The following ERP44 variants were observed in gnomAD, a reference collection of about 807,000 sequenced individuals.
ERP44 encodes endoplasmic reticulum resident protein 44.
Under a neutral mutation model 53.4 loss-of-function variants are expected in ERP44, and 25 were observed. That is an observed-to-expected ratio of 0.47 (90% CI 0.34 to 0.65). The LOEUF (loss-of-function observed/expected upper bound fraction) is 0.65, where lower values mean the gene tolerates loss of function less well. Among genes scored for constraint, ERP44 ranks in the 30% least tolerant of loss-of-function variants. The probability of loss-of-function intolerance (pLI) is 0.01; values close to 1 mark genes in which losing one functional copy is unlikely to be tolerated. For synonymous variants in ERP44, 145 were observed against 161.2 expected, an observed-to-expected ratio of 0.90 and a Z score of 0.76; for missense variants, 338 against 493.2, an observed-to-expected ratio of 0.69 and a Z score of 2.98.
chr9:100,092,887 CTGTT>C (rs1826577012), intron 1 of ERP44, among the ~76,000 whole-genome samples: 1 of 152,136 alleles, frequency 6.6e-6, no homozygotes, highest in African/African-American at 2.4e-5. Flanking sequence ...TAGTCACACA[CTGTT>C]AGGAATACAC....
Position 100,043,291 on chromosome 9 carries a change from A to AAAAAAAAAAAAAAAAAAAAAAAAAG in ERP44, c.286+9125_286+9126insCTTTTTTTTTTTTTTTTTTTTTTTT, listed in dbSNP as rs1168903331. 5.1e-4 allele frequency among the ~76,000 whole-genome samples: 38 copies of AAAAAAAAAAAAAAAAAAAAAAAAAG among 74,924 alleles called. 15 individuals are homozygous for AAAAAAAAAAAAAAAAAAAAAAAAAG. Among genetic ancestry groups the AAAAAAAAAAAAAAAAAAAAAAAAAG allele is most frequent in the African/African-American group, 1.6e-3 (27 of 17,160 alleles). 49.2% of individuals were successfully genotyped at this position (74,924 alleles called of 152,430 possible). A position where few individuals can be genotyped will look rare whatever the true frequency, so the allele number is the denominator to read the frequency against. ...AAAAAAAAAAAAAAAAAAAAAAAAA[A>AAAAAAAAAAAAAAAAAAAAAAAAAG]GATAAATAAGACATAGTATTTGCTA... On this transcript the variant is annotated intron_variant, in intron 4 of 11. Transcript: ENST00000262455.
chr9:99,980,931 T>C lies in ERP44; in HGVS notation c.*1681A>G, dbSNP rs1830142780. On this transcript the variant is annotated 3_prime_UTR_variant, in exon 12 of 12. Coordinates refer to ENST00000262455, the MANE Select transcript of ERP44 (RefSeq NM_015051.3). ...CCTAACCCTTGAATTGTATCTTTTG[T>C]TGATTATTTTTTCAAACCCAGTTAC... is the stretch of plus-strand genomic sequence containing the variant. 1 of 152,222 alleles carries C rather than the reference T, an allele frequency of 6.6e-6. No homozygotes were observed. The highest frequency in any genetic ancestry group is 2.1e-4 in the South Asian group (1 of 4,830). The allele number at this position is 152,222 out of a possible 1,614,324, so 9.4% of individuals were successfully genotyped here. A position where few individuals can be genotyped will look rare whatever the true frequency, so the allele number is the denominator to read the frequency against.
chr9:100,050,723 C>T (rs528104764), intron 4 of ERP44, among the ~76,000 whole-genome samples: 3 of 152,092 alleles, frequency 2.0e-5, no homozygotes, highest in African/African-American at 7.2e-5. Context: ...AGATAACTTG[C>T]TGGTGGATTG....
chr9:100,034,620 C>T (rs186307678), intron 4 of ERP44, among the ~76,000 whole-genome samples: 5 of 152,004 alleles, frequency 3.3e-5, no homozygotes, highest in Admixed American at 1.3e-4. Flanking sequence ...ACAACCCAGC[C>T]AGTCAAAAAG....
chr9:100,040,668 G>C (rs1395823763), intron 4 of ERP44, among the ~76,000 whole-genome samples: 1 of 152,140 alleles, frequency 6.6e-6, no homozygotes, highest in Non-Finnish European at 1.5e-5. Flanking sequence ...AGAGCAGTCA[G>C]ATGAGAGAAA....
intron 5 of ERP44, among the ~76,000 whole-genome samples, chr9:100,021,597 A>T (rs10988947): frequency 0.058 from 8,854 of 152,248 alleles, 358 homozygotes; most frequent in Non-Finnish European, 0.089. Flanking sequence ...TATCTTTAAA[A>T]CACTACCTAG....
At chr9:100,094,562 G>A (rs1826601360) in intron 1 of ERP44, among the ~76,000 whole-genome samples, 1 of 152,034 alleles carries the variant, frequency 6.6e-6, no homozygotes, top group Non-Finnish European at 1.5e-5. Flanking sequence ...GGAGGCTGAG[G>A]CAGGAGAATC....
At chr9:100,062,979 C>G (rs1216265994) in intron 1 of ERP44, among the ~76,000 whole-genome samples, 1 of 149,376 alleles carries the variant, frequency 6.7e-6, no homozygotes, top group Admixed American at 6.8e-5. Flanking sequence ...GAGGCTGAGG[C>G]CACTGGATCA....
intron 1 of ERP44, among the ~76,000 whole-genome samples, chr9:100,070,831 A>G (rs1489347387): frequency 6.6e-6 from 1 of 152,204 alleles, no homozygotes; most frequent in Non-Finnish European, 1.5e-5. Flanking sequence ...AAACAATGAT[A>G]GCCTATCTTC....
chr9:100,009,833 A>G (rs776051367), intron 8 of ERP44, among the ~76,000 whole-genome samples: 2 of 151,774 alleles, frequency 1.3e-5, no homozygotes, highest in Non-Finnish European at 2.9e-5. Context: ...CTGTTTTCCC[A>G]TTTTCTTTAG....
At chr9:100,004,499 G>T (rs1471851861) in intron 10 of ERP44, among the ~76,000 whole-genome samples, 1 of 152,174 alleles carries the variant, frequency 6.6e-6, no homozygotes, top group Non-Finnish European at 1.5e-5. Context: ...CTCAGTTCAT[G>T]GGTACCAGCC....
At chr9:100,068,425 C>T (rs1826255489) in intron 1 of ERP44, among the ~76,000 whole-genome samples, 1 of 111,786 alleles carries the variant, frequency 8.9e-6, no homozygotes, top group African/African-American at 3.2e-5. Flanking sequence ...GCCAGCCGCC[C>T]CGTCCGGGAG....
Position 100,007,643 on chromosome 9 carries a change from T to G in ERP44, c.809A>C (p.Lys270Thr), listed in dbSNP as rs1830435125. Residue 270 changes from lysine (K) to threonine (T), a missense_variant, in exon 9 of 12, where the codon AAA becomes ACA. By Grantham distance (78) the Lys-to-Thr change is moderately conservative (BLOSUM62 -1). Coordinates refer to ENST00000262455, the MANE Select transcript of ERP44 (RefSeq NM_015051.3). ...GLPFLILFHM[K>T]EDTESLEIFQ... ...TATTTCTAAACTTTCTGTATCTTCT[T>G]TCATGTGAAAGAGTATGAGAAAAGG... The G allele has an allele frequency of 1.2e-6, 2 of 1,605,812 alleles. No individual in the cohort carries two copies. The highest frequency in any genetic ancestry group is 1.7e-6 in the Non-Finnish European group (2 of 1,172,576).
intron 1 of ERP44, among the ~76,000 whole-genome samples, chr9:100,064,715 T>C (rs1053947594): frequency 3.3e-5 from 5 of 152,206 alleles, no homozygotes; most frequent in Admixed American, 2.6e-4. Flanking sequence ...CATAAGATTA[T>C]AATGAAGCTG....
At chr9:100,065,549 ATGTATAC>A (rs1473724757) in intron 1 of ERP44, among the ~76,000 whole-genome samples, 8 of 152,238 alleles carry the variant, frequency 5.3e-5, no homozygotes, top group Non-Finnish European at 1.2e-4. Flanking sequence ...TCATTTAACA[ATGTATAC>A]ATATATCAAA....
intron 1 of ERP44, among the ~76,000 whole-genome samples, chr9:100,067,142 CCGCTCT>C (rs1015995698): frequency 1.3e-5 from 2 of 151,976 alleles, no homozygotes; most frequent in African/African-American, 4.8e-5. Context: ...AACCAAACAA[CCGCTCT>C]CGCTCTCGCT....
At position 99,982,660 on chromosome 9, in the gene ERP44, T is replaced by A. The variant is rs1343969241; in HGVS notation, c.1173A>T (p.Ala391=). 5.6e-6 allele frequency: 9 copies of A among 1,610,006 alleles called. No individual in the cohort carries two copies. The highest frequency in any genetic ancestry group is 3.3e-4 in the Middle Eastern group (2 of 6,044). Reference sequence around the variant, plus strand: ...ATAGAGTATACCTATATTCACTGGGTGCTAGTTTCTGGAAGGAGCTCTCAG... The same window carrying A: ...ATAGAGTATACCTATATTCACTGGGAGCTAGTTTCTGGAAGGAGCTCTCAG... ...SPPESSFQKL[A]PSEYRYTLLR... The change falls in exon 12 of 12, where the codon GCA becomes GCT. Residue 391 remains alanine, a synonymous_variant. Transcript: ENST00000262455.
chr9:99,988,455 T>A (rs969457492), intron 10 of ERP44, among the ~76,000 whole-genome samples: 1 of 152,222 alleles, frequency 6.6e-6, no homozygotes, highest in African/African-American at 2.4e-5. Flanking sequence ...AAATTCTTTT[T>A]TGGTATGAGG....
chr9:99,980,688 C>T lies in ERP44; in HGVS notation c.*1924G>A, dbSNP rs1321984717. 1.3e-5 allele frequency: 2 copies of T among 152,162 alleles called. No individual in the cohort carries two copies. The highest frequency in any genetic ancestry group is 1.3e-4 in the Admixed American group (2 of 15,278). The allele number at this position is 152,162 out of a possible 1,614,324, so 9.4% of individuals were successfully genotyped here. A position where few individuals can be genotyped will look rare whatever the true frequency, so the allele number is the denominator to read the frequency against. On this transcript the variant is annotated 3_prime_UTR_variant, in exon 12 of 12. Coordinates refer to ENST00000262455, the MANE Select transcript of ERP44 (RefSeq NM_015051.3). Reference sequence around the variant, plus strand: ...AAATTCTAGGCACTAGTGATACAGACATTAAATTTAGTTTCCTTGTCCTCA... The same window carrying T: ...AAATTCTAGGCACTAGTGATACAGATATTAAATTTAGTTTCCTTGTCCTCA...
Sources: allele counts gnomAD v4.1 joint callset (sites outside exome capture counted in the v4.1 genomes callset), GRCh38; gene constraint gnomAD v4.1.1; transcripts MANE v1.5; gene names NCBI Gene and HGNC (gene_info 2026-07-23, HGNC 2026-07-21).